Variants in TUSC3 observed in about 807,000 individuals in gnomAD.
TUSC3 encodes tumor suppressor candidate 3, also known as dolichyl-diphosphooligosaccharide--protein glycosyltransferase subunit TUSC3.
In TUSC3, 45 loss-of-function variants were observed where a neutral mutation model predicts 44.8. The observed-to-expected ratio is 1.00, with a 90% confidence interval of 0.79 to 1.29. TUSC3 has a LOEUF of 1.29. Ranked by LOEUF, TUSC3 falls within the 50% of genes most tolerant of loss-of-function variation. The pLI is 0.00. For synonymous variants in TUSC3, 212 were observed against 152.9 expected, an observed-to-expected ratio of 1.39 and a Z score of -2.85; for missense variants, 519 against 437.9, an observed-to-expected ratio of 1.19 and a Z score of -1.65.
At chr8:15,843,626 G>A in the TUSC3 span, among the ~76,000 whole-genome samples, 15,921 of 119,840 alleles carry the variant, frequency 0.13, 1,029 homozygotes, top group Middle Eastern at 0.26. Context: ...ATATATACAC[G>A]CACATACACA....
At chr8:15,589,087 T>C (rs574485922) in intron 1 of TUSC3, among the ~76,000 whole-genome samples, 4 of 152,322 alleles carry the variant, frequency 2.6e-5, no homozygotes, top group Admixed American at 1.3e-4. Context: ...TCTTATTTTC[T>C]TACTAAATTT....
At chr8:15,746,433 A>G (rs1321629157) in intron 8 of TUSC3, among the ~76,000 whole-genome samples, 2 of 152,130 alleles carry the variant, frequency 1.3e-5, no homozygotes, top group East Asian at 1.9e-4. Flanking sequence ...CACAACTACT[A>G]TGATTAATAT....
intron 2 of TUSC3, among the ~76,000 whole-genome samples, chr8:15,630,831 AC>A (rs1419577228): frequency 6.6e-6 from 1 of 152,158 alleles, no homozygotes; most frequent in African/African-American, 2.4e-5. Context: ...GGCTAAAATC[AC>A]GTGGAAAAGA....
chr8:15,743,224 T>C (rs945293272), intron 7 of TUSC3, among the ~76,000 whole-genome samples: 4 of 152,244 alleles, frequency 2.6e-5, no homozygotes, highest in East Asian at 3.8e-4. Context: ...TATCTTTATG[T>C]ATAATGTGAA....
intron 1 of TUSC3, among the ~76,000 whole-genome samples, chr8:15,614,015 A>AT (rs35240351): frequency 4.6e-4 from 49 of 105,590 alleles, no homozygotes; most frequent in Admixed American, 1.6e-3. Context: ...GTGTTTTGTT[A>AT]TTTTTTTTTT....
At chr8:15,550,980 T>A (rs1252725696) in intron 1 of TUSC3, among the ~76,000 whole-genome samples, 5 of 151,782 alleles carry the variant, frequency 3.3e-5, no homozygotes, top group Admixed American at 1.3e-4. Flanking sequence ...TACAAAGTGT[T>A]AAGGACCTTG....
intron 2 of TUSC3, among the ~76,000 whole-genome samples, chr8:15,505,932 A>G (rs942050506): frequency 1.5e-4 from 23 of 152,258 alleles, no homozygotes; most frequent in African/African-American, 5.3e-4. Context: ...ATACAAACAT[A>G]CAATAGGATA....
chr8:15,571,957 C>A (rs1802894771), intron 1 of TUSC3, among the ~76,000 whole-genome samples: 1 of 152,126 alleles, frequency 6.6e-6, no homozygotes, highest in South Asian at 2.1e-4. Context: ...TCCAGGCTTT[C>A]TTGTTCCATT....
At chr8:15,689,862 G>GTGTGTGTAAA (rs1398269685) in intron 6 of TUSC3, among the ~76,000 whole-genome samples, 1 of 23,928 alleles carries the variant, frequency 4.2e-5, no homozygotes, top group African/African-American at 1.5e-4. Flanking sequence ...GTGTGTGTGT[G>GTGTGTGTAAA]TATAAATATA....
intron 1 of TUSC3, among the ~76,000 whole-genome samples, chr8:15,622,470 C>A (rs1164197022): frequency 6.6e-6 from 1 of 152,050 alleles, no homozygotes; most frequent in Non-Finnish European, 1.5e-5. Context: ...AGTGCTGTCT[C>A]CTCCCAAACC....
intron 3 of TUSC3, among the ~76,000 whole-genome samples, chr8:15,658,639 T>TACAC (rs57739356): frequency 0.26 from 38,056 of 148,538 alleles, 5,357 homozygotes; most frequent in Non-Finnish European, 0.32. Context: ...CACATATATA[T>TACAC]ACACACACAC....
At chr8:15,464,945 G>T (rs1490634774) in intron 1 of TUSC3, among the ~76,000 whole-genome samples, 3 of 152,098 alleles carry the variant, frequency 2.0e-5, no homozygotes, top group Admixed American at 2.0e-4. Flanking sequence ...TTCCTCCCAG[G>T]TTCAAGCGAT....
chr8:15,429,796 G>A (rs1172299532), intron 1 of TUSC3, among the ~76,000 whole-genome samples: 2 of 151,550 alleles, frequency 1.3e-5, no homozygotes, highest in Non-Finnish European at 2.9e-5. Flanking sequence ...TGACAAAGGG[G>A]ATATCACCAC....
chr8:15,507,926 A>G (rs1801080630), intron 2 of TUSC3, among the ~76,000 whole-genome samples: 1 of 152,164 alleles, frequency 6.6e-6, no homozygotes, highest in South Asian at 2.1e-4. Context: ...AACTTGAGCC[A>G]AAATAACGAA....
At chr8:15,502,898 C>A (rs982255498) in intron 2 of TUSC3, among the ~76,000 whole-genome samples, 1 of 152,142 alleles carries the variant, frequency 6.6e-6, no homozygotes, top group Non-Finnish European at 1.5e-5. Context: ...CATTTTACTC[C>A]TTACATGTTT....
At chr8:15,586,940 C>G (rs1803627470) in intron 1 of TUSC3, among the ~76,000 whole-genome samples, 2 of 152,118 alleles carry the variant, frequency 1.3e-5, no homozygotes, top group African/African-American at 4.8e-5. Flanking sequence ...TAAAAATAAG[C>G]CATCCTAGTG....
At chr8:15,555,334 G>T (rs1222676862) in intron 1 of TUSC3, among the ~76,000 whole-genome samples, 1 of 110,178 alleles carries the variant, frequency 9.1e-6, no homozygotes, top group African/African-American at 3.6e-5. Context: ...TTGCTCTGTT[G>T]CCCAGGCTGG....
chr8:15,457,634 T>G (rs1413041251), intron 1 of TUSC3, among the ~76,000 whole-genome samples: 4 of 150,394 alleles, frequency 2.7e-5, no homozygotes, highest in Non-Finnish European at 5.9e-5. Flanking sequence ...AACCTGGTAA[T>G]AATTCAAAAG....
chr8:15,840,016 G>C, the TUSC3 span, among the ~76,000 whole-genome samples: 1 of 152,116 alleles, frequency 6.6e-6, no homozygotes, highest in African/African-American at 2.4e-5. Flanking sequence ...AGAAAATGTG[G>C]CACATATACA....
Sources: gnomAD v4.1 joint callset for allele counts (sites outside exome capture counted in the v4.1 genomes callset) on GRCh38, gnomAD v4.1.1 for gene constraint, MANE v1.5 for transcripts, NCBI Gene and HGNC (gene_info 2026-07-23, HGNC 2026-07-21) for gene names.